TLE2: variants seen among roughly 807,000 people sequenced by gnomAD.
TLE2 encodes the protein transducin-like enhancer protein 2.
TLE2 carries 74 observed loss-of-function variants against 97.2 expected under a neutral mutation model. The ratio of observed to expected loss-of-function variants is 0.76; its 90% CI spans 0.63 to 0.92. The LOEUF (loss-of-function observed/expected upper bound fraction) is 0.92, where lower values mean the gene tolerates loss of function less well. Among genes scored for constraint, TLE2 ranks in the 40% least tolerant of loss-of-function variants. TLE2 has a pLI of 0.00. For missense variants in TLE2, 1,038 were observed against 1,008.7 expected (o/e 1.03, Z -0.39); for synonymous variants, 499 against 432.1 (o/e 1.15, Z -1.92).
At chr19:3,004,679 G>C (rs1202727281) in intron 17 of TLE2, among the ~76,000 whole-genome samples, 2 of 151,486 alleles carry the variant, frequency 1.3e-5, no homozygotes, top group Admixed American at 6.6e-5. Context: ...GTTTCAAGGA[G>C]GAGGGGCAAA....
At chr19:3,014,489 C>T in intron 10 of TLE2, 81 bp downstream of exon 10, 1 of 1,332,482 alleles carries the variant, frequency 7.5e-7, no homozygotes, top group Non-Finnish European at 1.0e-6. Context: ...ATCCCCACTA[C>T]CTCTGGGTCC....
chr19:3,016,822 A>C (rs2089717236), intron 8 of TLE2, among the ~76,000 whole-genome samples: 1 of 151,888 alleles, frequency 6.6e-6, no homozygotes, highest in Non-Finnish European at 1.5e-5. Context: ...TCTGTCGCCC[A>C]AGCTGGAGTG....
chr19:3,047,435 C>T (rs2090153125), upstream of TLE2: 1 of 148,962 alleles, frequency 6.7e-6, no homozygotes, highest in South Asian at 2.1e-4. Context: ...CCCCGGATCG[C>T]AGGCCAGGCC....
At chr19:3,008,832 C>T (rs377657198) in intron 14 of TLE2, 37 bp downstream of exon 14, 34 of 1,485,328 alleles carry the variant, frequency 2.3e-5, no homozygotes, top group African/African-American at 2.0e-4. Flanking sequence ...GGGGCTGGCC[C>T]GGGACCCCAG....
chr19:3,022,677 G>A (rs1599236075), intron 5 of TLE2, among the ~76,000 whole-genome samples: 1 of 152,154 alleles, frequency 6.6e-6, no homozygotes, highest in African/African-American at 2.4e-5. Context: ...CTCTGAGGCT[G>A]CTTGTGTATA....
At chr19:3,024,107 T>C (rs1470530820) in intron 5 of TLE2, among the ~76,000 whole-genome samples, 1 of 150,592 alleles carries the variant, frequency 6.6e-6, no homozygotes, top group Non-Finnish European at 1.5e-5. Flanking sequence ...GCAATTCTAT[T>C]CTCCTGCCTC....
At chr19:3,008,805 G>A (rs1399176616) in intron 14 of TLE2, 64 bp downstream of exon 14, 1 of 1,322,898 alleles carries the variant, frequency 7.6e-7, no homozygotes, top group African/African-American at 1.5e-5. Flanking sequence ...CAGAGGGTAA[G>A]ACCTCAGAGG....
intron 17 of TLE2, 64 bp from the exon 18 acceptor site, chr19:3,002,567 C>T (rs1424937180): frequency 1.3e-6 from 2 of 1,525,100 alleles, no homozygotes; most frequent in Non-Finnish European, 1.8e-6. Context: ...GAGACAGGGT[C>T]TCACTCCGTC....
rs1438729176 is a variant in TLE2, at chr19:3,019,072, A to C, written c.550+211T>G. Among the ~76,000 whole-genome samples the C allele has an allele frequency of 6.6e-6, 1 of 151,576 alleles. No individual in the cohort carries two copies. Among genetic ancestry groups the C allele is most frequent in the African/African-American group, 2.4e-5 (1 of 41,180 alleles). On this transcript the variant is annotated intron_variant, in intron 7 of 19. Coordinates refer to ENST00000262953, the MANE Select transcript of TLE2 (RefSeq NM_003260.5). The surrounding 1 kb of genome is among the most constrained non-coding windows in gnomAD (Gnocchi z 5.1). ...CACCATCCCACCCAGCAAATTTTTA[A>C]ATTTTTGTAGAGACGGGGTCTCGCT...
chr19:3,027,993 G>GA, intron 3 of TLE2, 120 bp from the exon 4 acceptor site: 1 of 997,990 alleles, frequency 1.0e-6, no homozygotes, highest in South Asian at 1.5e-5. Flanking sequence ...AGGAAGCAGA[G>GA]CCCCCCCCAG....
chr19:3,031,763 C>T (rs1035458830), upstream of TLE2, among the ~76,000 whole-genome samples: 1 of 152,132 alleles, frequency 6.6e-6, no homozygotes, highest in Non-Finnish European at 1.5e-5. Context: ...GAATGCTTTT[C>T]CCTTGCTTCT....
intron 5 of TLE2, among the ~76,000 whole-genome samples, chr19:3,021,727 T>G (rs1046383266): frequency 1.6e-4 from 24 of 148,880 alleles, no homozygotes; most frequent in African/African-American, 5.9e-4. Context: ...AGATTACAGG[T>G]GCGCACCACC....
chr19:3,038,787 G>A (rs905469014), intron 1 of TLE2, among the ~76,000 whole-genome samples: 3 of 152,192 alleles, frequency 2.0e-5, no homozygotes, highest in African/African-American at 4.8e-5. Context: ...GCTCATGCCT[G>A]TAATCCCAGC....
At position 3,011,529 on chromosome 19, in the gene TLE2, C is replaced by CAA. The variant is rs34102685; in HGVS notation, c.874-371_874-370dup. Among the ~76,000 whole-genome samples, 577 of 116,946 alleles carry CAA rather than the reference C, an allele frequency of 4.9e-3. 6 individuals are homozygous for CAA. The highest frequency in any genetic ancestry group is 0.016 in the African/African-American group (511 of 31,632). 76.7% of individuals were successfully genotyped at this position (116,946 alleles called of 152,430 possible). On this transcript the variant is annotated intron_variant, in intron 11 of 19. Transcript: ENST00000262953. ...CCTGGGAGACAGAGCGACTCCATCT[C>CAA]AAAAAAAAAAAAAAAGACTCTGTCT... is the stretch of plus-strand genomic sequence containing the variant.
intron 5 of TLE2, among the ~76,000 whole-genome samples, chr19:3,023,888 T>TCACACA (rs140844301): frequency 2.1e-4 from 30 of 144,522 alleles, no homozygotes; most frequent in Middle Eastern, 3.6e-3. Flanking sequence ...CAAGAATCCA[T>TCACACA]CACACACACA....
At chr19:3,046,935 T>TCCCCCTCCTCCCCCC (rs2090146508), upstream of TLE2, among the ~76,000 whole-genome samples, 1 of 42,938 alleles carries the variant, frequency 2.3e-5, no homozygotes, top group Non-Finnish European at 4.6e-5. Context: ...CTCCTCTGCC[T>TCCCCCTCCTCCCCCC]CCCCCTCCTC....
At position 3,009,721 on chromosome 19, in the gene TLE2, G is replaced by C. The variant is rs370543395; in HGVS notation, c.1013-19C>G. ...CTCAGGGCTGAGACGGAAGAGTCGGGGACAGGTTTTGACGCCCTGGACCCA... is the reference window on the plus strand; with the variant it reads ...CTCAGGGCTGAGACGGAAGAGTCGGCGACAGGTTTTGACGCCCTGGACCCA... On this transcript the variant is annotated intron_variant, in intron 12 of 19. Transcript: ENST00000262953. 5.6e-6 allele frequency: 9 copies of C among 1,599,136 alleles called. No homozygotes were observed. The highest frequency in any genetic ancestry group is 7.7e-6 in the Non-Finnish European group (9 of 1,174,002).
chr19:3,017,791 G>C, intron 8 of TLE2, 49 bp downstream of exon 8: 1 of 1,592,358 alleles, frequency 6.3e-7, no homozygotes, highest in Non-Finnish European at 8.6e-7. Flanking sequence ...CAGAACCAGC[G>C]TTGGCCTCCC....
Position 3,019,698 on chromosome 19 carries a change from C to A in TLE2, c.369+1G>T. The A allele has an allele frequency of 6.2e-7, 1 of 1,608,496 alleles. No individual in the cohort carries two copies. The highest frequency in any genetic ancestry group is 8.5e-7 in the Non-Finnish European group (1 of 1,177,726). ...GCGGGGCAGGGGCTAGAGAGACTCA[C>A]CCCGATGAGGCTGTTCAGCTCCCCC... On this transcript the variant is annotated splice_donor_variant, in intron 6 of 19. Coordinates refer to ENST00000262953, the MANE Select transcript of TLE2 (RefSeq NM_003260.5). LOFTEE classifies it high-confidence loss of function. The surrounding 1 kb of genome is among the most constrained non-coding windows in gnomAD (Gnocchi z 5.1).
Sources: gnomAD v4.1 joint callset for allele counts (sites outside exome capture counted in the v4.1 genomes callset) on GRCh38, gnomAD v4.1.1 for gene constraint, Gnocchi (gnomAD v3.1) non-coding constraint, MANE v1.5 for transcripts, NCBI Gene and HGNC (gene_info 2026-07-23, HGNC 2026-07-21) for gene names.